DYSF: variants seen among roughly 807,000 people sequenced by gnomAD.
The protein encoded by DYSF is dysferlin.
A neutral mutation model predicts 274.9 loss-of-function variants in DYSF; 212 were observed. The ratio of observed to expected loss-of-function variants is 0.77; its 90% CI spans 0.69 to 0.86. The LOEUF (loss-of-function observed/expected upper bound fraction) is 0.86. Ranked by LOEUF, DYSF falls within the 40% of genes least tolerant of loss-of-function variation. The pLI is 0.00. For synonymous variants in DYSF, 1,091 were observed against 1,078.7 expected (o/e 1.01, Z -0.22); for missense variants, 2,666 against 2,783.2 (o/e 0.96, Z 0.95).
intron 32 of DYSF, among the ~76,000 whole-genome samples, chr2:71,593,379 C>A (rs1449600661): frequency 6.6e-6 from 1 of 152,178 alleles, no homozygotes; most frequent in African/African-American, 2.4e-5. Flanking sequence ...GATTCACCCG[C>A]CTTGGCCTCC....
intron 32 of DYSF, among the ~76,000 whole-genome samples, chr2:71,594,947 C>T (rs565890868): frequency 6.6e-6 from 1 of 152,346 alleles, no homozygotes; most frequent in African/African-American, 2.4e-5. Flanking sequence ...ATGTCTCATT[C>T]ATCTTCCTAT....
chr2:71,465,856 G>A (rs932815411), upstream of DYSF, among the ~76,000 whole-genome samples: 3 of 152,156 alleles, frequency 2.0e-5, no homozygotes, highest in African/African-American at 7.2e-5. Context: ...TAAGCGAAAC[G>A]ACTGTCACCG....
At chr2:71,580,223 G>A (rs1461202234) in intron 30 of DYSF, among the ~76,000 whole-genome samples, 3 of 152,230 alleles carry the variant, frequency 2.0e-5, no homozygotes, top group Admixed American at 6.5e-5. Context: ...TGGGGCAGTC[G>A]GGCAGCTAGA....
intron 55 of DYSF, among the ~76,000 whole-genome samples, chr2:71,683,708 T>C (rs2095323447): frequency 6.6e-6 from 1 of 152,218 alleles, no homozygotes; most frequent in Non-Finnish European, 1.5e-5. Context: ...ACTTCAGGCC[T>C]CAGTCCTGGT....
At chr2:71,514,095 C>T (rs1286421091) in intron 7 of DYSF, among the ~76,000 whole-genome samples, 174 bp downstream of exon 7, 1 of 145,360 alleles carries the variant, frequency 6.9e-6, no homozygotes, top group Non-Finnish European at 1.5e-5. Flanking sequence ...ACAGGGAGTT[C>T]ACATCTTACA....
At position 71,487,698 on chromosome 2, in the gene DYSF, A is replaced by G. The variant is rs930581388; in HGVS notation, c.239+5728A>G. On this transcript the variant is annotated intron_variant, in intron 3 of 55. Coordinates refer to ENST00000410020, the MANE Select transcript of DYSF (RefSeq NM_001130987.2). ...TAGTTTTTGTGTTTTTAGTAGAGAC[A>G]GGGTTTCACCCTGTTGGTCAGGCTG... 3.3e-5 allele frequency among the ~76,000 whole-genome samples: 5 copies of G among 152,236 alleles called. No individual in the cohort carries two copies. The East Asian group carries it at 9.7e-4, about 29-fold the overall frequency.
At chr2:71,525,118 C>A (rs1478687072) in intron 12 of DYSF, among the ~76,000 whole-genome samples, 1 of 152,146 alleles carries the variant, frequency 6.6e-6, no homozygotes, top group Non-Finnish European at 1.5e-5. Context: ...ATCTGGGAAG[C>A]TTTACAAGCC....
chr2:71,591,015 C>T (rs1301945550), intron 32 of DYSF, among the ~76,000 whole-genome samples: 3 of 152,222 alleles, frequency 2.0e-5, no homozygotes, highest in African/African-American at 7.2e-5. Context: ...CAAGTATAGA[C>T]ACTGACAGAT....
At chr2:71,678,956 C>T in intron 52 of DYSF, 101 bp from the exon 53 acceptor site, 2 of 1,047,790 alleles carry the variant, frequency 1.9e-6, no homozygotes, top group Admixed American at 1.8e-5. Flanking sequence ...AAGCTGGTGA[C>T]AGAGGTGACT....
At position 71,568,422 on chromosome 2, in the gene DYSF, G is replaced by C. The variant is rs62143855; in HGVS notation, c.2864+84G>C. The C allele has an allele frequency of 0.14, 219,650 of 1,556,206 alleles. 16,355 individuals carry two copies. Among genetic ancestry groups the C allele is most frequent in the Middle Eastern group, 0.16 (729 of 4,476 alleles). The stretch of plus-strand genomic sequence containing the variant: ...CACCCTCCTTTTGGAGGCAGGCTGG[G>C]GTCTGTTGATCCCTCTGCTTGCTCC... On this transcript the variant is annotated intron_variant, in intron 26 of 55. Coordinates refer to ENST00000410020, the MANE Select transcript of DYSF (RefSeq NM_001130987.2).
intron 45 of DYSF, among the ~76,000 whole-genome samples, chr2:71,661,116 C>CAAAA (rs55761719): frequency 4.9e-4 from 42 of 85,736 alleles, no homozygotes; most frequent in East Asian, 7.0e-4. Flanking sequence ...AACCCTGTCT[C>CAAAA]AAAAAAAAAA....
At chr2:71,539,752 C>T (rs1233391945) in intron 17 of DYSF, among the ~76,000 whole-genome samples, 1 of 152,140 alleles carries the variant, frequency 6.6e-6, no homozygotes, top group Non-Finnish European at 1.5e-5. Context: ...TATGTCTGTA[C>T]ATGCATGGAA....
intron 36 of DYSF, among the ~76,000 whole-genome samples, chr2:71,608,566 C>T (rs914848921): frequency 2.0e-5 from 3 of 152,146 alleles, no homozygotes; most frequent in Admixed American, 6.5e-5. Flanking sequence ...CTGGGCCCGA[C>T]GCTCCGCAGC....
chr2:71,504,713 G>A (rs971947286), intron 4 of DYSF, among the ~76,000 whole-genome samples: 1 of 152,220 alleles, frequency 6.6e-6, no homozygotes, highest in African/African-American at 2.4e-5. Flanking sequence ...CCAGCTCTGT[G>A]TGCATCCATG....
At chr2:71,489,790 G>A (rs769408227) in intron 3 of DYSF, among the ~76,000 whole-genome samples, 8 of 152,182 alleles carry the variant, frequency 5.3e-5, no homozygotes, top group Non-Finnish European at 1.0e-4. Flanking sequence ...CAGGGCAGGG[G>A]TGGTGGAATG....
chr2:71,554,508 G>A (rs542750183), intron 21 of DYSF, among the ~76,000 whole-genome samples: 7 of 152,278 alleles, frequency 4.6e-5, no homozygotes, highest in African/African-American at 1.4e-4. Flanking sequence ...AGGCCAGTGA[G>A]GGGGCTGTGT....
At chr2:71,511,139 A>G (rs924178656) in intron 4 of DYSF, among the ~76,000 whole-genome samples, 14 of 152,162 alleles carry the variant, frequency 9.2e-5, no homozygotes, top group African/African-American at 3.1e-4. Context: ...GGGTGGGCGC[A>G]TGGGCAACCC....
At position 71,526,279 on chromosome 2, in the gene DYSF, C is replaced by T; in HGVS notation, c.1209C>T (p.Pro403=). ...ACATTGAAAGCAACCTGCTCCGGCC[C>T]ACAGGCGTAGCCCTGCGAGGAGCCC... ...KEDIESNLLR[P]TGVALRGAHF... Residue 403 remains proline, a synonymous_variant, in exon 13 of 56, where the codon CCC becomes CCT. Transcript: ENST00000410020. 1 of 1,614,234 alleles carries T rather than the reference C, an allele frequency of 6.2e-7. No homozygotes were observed. The highest frequency in any genetic ancestry group is 8.5e-7 in the Non-Finnish European group (1 of 1,180,044).
chr2:71,503,195 G>C lies in DYSF; in HGVS notation c.240-19G>C, dbSNP rs1311693144. ...TGCCTTAGGCTAGTTTTCTACATTTGACTTCTCTCTCCTCTCAGGTTCCTG... is the reference window on the plus strand; with the variant it reads ...TGCCTTAGGCTAGTTTTCTACATTTCACTTCTCTCTCCTCTCAGGTTCCTG... On this transcript the variant is annotated intron_variant, in intron 3 of 55. Transcript: ENST00000410020. 1.2e-6 allele frequency: 2 copies of C among 1,612,388 alleles called. No individual in the cohort carries two copies. Among genetic ancestry groups the C allele is most frequent in the East Asian group, 4.5e-5 (2 of 44,860 alleles).
Sources: allele counts gnomAD v4.1 joint callset (sites outside exome capture counted in the v4.1 genomes callset), GRCh38; gene constraint gnomAD v4.1.1; transcripts MANE v1.5; gene names NCBI Gene and HGNC (gene_info 2026-07-23, HGNC 2026-07-21).